Variants in FMN1 observed in about 807,000 individuals in gnomAD.
The protein encoded by FMN1 is formin 1, also known as formin-1.
A neutral mutation model predicts 132.4 loss-of-function variants in FMN1; 110 were observed. That is an observed-to-expected ratio of 0.83 (90% CI 0.71 to 0.97). The LOEUF is 0.97. Ranked by LOEUF, FMN1 falls within the 50% of genes least tolerant of loss-of-function variation. The pLI, the probability that FMN1 is intolerant of heterozygous loss-of-function variation, is 0.00. For missense variants in FMN1, 1,792 were observed against 1,705.3 expected (o/e 1.05, Z -0.90); for synonymous variants, 722 against 651.7 (o/e 1.11, Z -1.64).
chr15:33,087,806 C>CATATACAT (rs58105456), intron 5 of FMN1, among the ~76,000 whole-genome samples: 79,120 of 150,946 alleles, frequency 0.52, 21,064 homozygotes, highest in Non-Finnish European at 0.55. Flanking sequence ...TACATATATA[C>CATATACAT]ATATACACAT....
intron 10 of FMN1, among the ~76,000 whole-genome samples, chr15:32,919,338 A>T (rs1452432323): frequency 6.6e-6 from 1 of 152,198 alleles, no homozygotes; most frequent in Non-Finnish European, 1.5e-5. Flanking sequence ...TTCATCAGTT[A>T]TGGAAGTGGG....
At chr15:32,911,620 T>C (rs1241389406) in intron 10 of FMN1, among the ~76,000 whole-genome samples, 2 of 152,168 alleles carry the variant, frequency 1.3e-5, no homozygotes, top group Non-Finnish European at 2.9e-5. Context: ...AAAGCTAAAA[T>C]TAACTGAGCT....
At chr15:33,071,143 A>T (rs912560780) in intron 5 of FMN1, among the ~76,000 whole-genome samples, 3 of 152,198 alleles carry the variant, frequency 2.0e-5, no homozygotes, top group Non-Finnish European at 2.9e-5. Flanking sequence ...CAGAAGACAA[A>T]CATCACCAAA....
At chr15:33,030,707 AGTTAT>A (rs1438089910) in intron 6 of FMN1, among the ~76,000 whole-genome samples, 1 of 152,228 alleles carries the variant, frequency 6.6e-6, no homozygotes, top group Non-Finnish European at 1.5e-5. Flanking sequence ...AACTGCTGTT[AGTTAT>A]AATTGTAAAA....
At chr15:32,923,445 T>A (rs146169022) in intron 10 of FMN1, among the ~76,000 whole-genome samples, 1 of 152,232 alleles carries the variant, frequency 6.6e-6, no homozygotes, top group African/African-American at 2.4e-5. Flanking sequence ...CATATTCATC[T>A]GGAATGCATT....
chr15:32,982,728 C>T (rs1024128167), intron 7 of FMN1, among the ~76,000 whole-genome samples: 11 of 152,134 alleles, frequency 7.2e-5, no homozygotes, highest in Admixed American at 3.3e-4. Flanking sequence ...AAAAATTCCT[C>T]CTGCCCAGTG....
At position 32,866,227 on chromosome 15, in the gene FMN1, T is replaced by C. The variant is rs1049207489; in HGVS notation, c.3836-9120A>G. On this transcript the variant is annotated intron_variant, in intron 16 of 20. Transcript: ENST00000616417. ...ATGTACCCTAGAACTTAAAGTATAA[T>C]AAAAAAAAAGAAAAAAGAAAAAAAA... Among the ~76,000 whole-genome samples, 28 of 92,350 alleles carry C rather than the reference T, an allele frequency of 3.0e-4. No individual in the cohort carries two copies. In the East Asian group the frequency reaches 4.4e-3, roughly 15 times the overall value. The allele number at this position is 92,350 out of a possible 152,430, so 60.6% of individuals were successfully genotyped here.
chr15:33,055,835 T>C (rs1270241087), intron 6 of FMN1, among the ~76,000 whole-genome samples: 3 of 152,150 alleles, frequency 2.0e-5, no homozygotes. Flanking sequence ...AAAAAACACT[T>C]GCAACACACT....
chr15:33,068,607 CAGT>C, intron 5 of FMN1, among the ~76,000 whole-genome samples: 1 of 149,458 alleles, frequency 6.7e-6, no homozygotes, highest in South Asian at 2.1e-4. Context: ...ACTCTCAAAG[CAGT>C]TAATTTACTG....
At chr15:33,088,579 C>G (rs1037809251) in intron 5 of FMN1, among the ~76,000 whole-genome samples, 14 of 152,190 alleles carry the variant, frequency 9.2e-5, no homozygotes, top group Admixed American at 5.9e-4. Context: ...GGTTAAATGA[C>G]AAACACAGTC....
chr15:32,915,789 T>A (rs1033870854), intron 10 of FMN1, among the ~76,000 whole-genome samples: 3 of 152,190 alleles, frequency 2.0e-5, no homozygotes, highest in Non-Finnish European at 4.4e-5. Context: ...CTGCTGGTGG[T>A]TTTTACTTTT....
At chr15:33,095,292 G>A (rs1007513940) in intron 4 of FMN1, among the ~76,000 whole-genome samples, 5 of 152,142 alleles carry the variant, frequency 3.3e-5, no homozygotes, top group African/African-American at 1.2e-4. Flanking sequence ...AGGTTGCAGT[G>A]AGCCGAGATT....
At chr15:32,995,307 G>GTTT (rs2033698642) in intron 7 of FMN1, among the ~76,000 whole-genome samples, 2 of 152,092 alleles carry the variant, frequency 1.3e-5, no homozygotes, top group Admixed American at 6.5e-5. Flanking sequence ...AAGAATCTTA[G>GTTT]TTGAGATCTG....
Position 32,977,862 on chromosome 15 carries a change from T to C in FMN1, c.2224-8385A>G, listed in dbSNP as rs186748341. ...AAGTATGCAATTTAGATACAATTAT[T>C]CTTTTTTTTTTTTTTTCTGAGACAG... On this transcript the variant is annotated intron_variant, in intron 7 of 20. Coordinates refer to ENST00000616417, the MANE Select transcript of FMN1 (RefSeq NM_001277313.2). 4.1e-3 allele frequency among the ~76,000 whole-genome samples: 623 copies of C among 151,680 alleles called. 3 individuals are homozygous for C. Among genetic ancestry groups the C allele is most frequent in the African/African-American group, 0.014 (597 of 41,256 alleles).
chr15:32,925,886 C>T (rs2060946924), intron 10 of FMN1, among the ~76,000 whole-genome samples: 1 of 152,132 alleles, frequency 6.6e-6, no homozygotes, highest in East Asian at 1.9e-4. Context: ...CATGGCAAAA[C>T]CCCACCTGTA....
intron 3 of FMN1, among the ~76,000 whole-genome samples, chr15:33,161,879 C>T (rs1964908064): frequency 6.6e-6 from 1 of 151,284 alleles, no homozygotes; most frequent in Non-Finnish European, 1.5e-5. Context: ...GATCGTGCCA[C>T]TGCACTCCAG....
chr15:32,836,285 C>T (rs936356810), intron 17 of FMN1, among the ~76,000 whole-genome samples: 2 of 152,170 alleles, frequency 1.3e-5, no homozygotes, highest in Non-Finnish European at 2.9e-5. Context: ...AAAGGTGATG[C>T]CTTCCCTCTG....
intron 16 of FMN1, among the ~76,000 whole-genome samples, chr15:32,887,716 TAGAC>T (rs1411166064): frequency 1.3e-5 from 2 of 152,200 alleles, no homozygotes; most frequent in African/African-American, 2.4e-5. Flanking sequence ...GAGTTCTAAT[TAGAC>T]AGACTTGATT....
intron 9 of FMN1, among the ~76,000 whole-genome samples, chr15:32,957,295 G>GTTATTTT (rs1278874015): frequency 1.3e-5 from 1 of 74,106 alleles, no homozygotes. Context: ...TATCAGAGCA[G>GTTATTTT]TTCTTTTTTT....
Sources: gnomAD v4.1 joint callset for allele counts (sites outside exome capture counted in the v4.1 genomes callset) on GRCh38, gnomAD v4.1.1 for gene constraint, MANE v1.5 for transcripts, NCBI Gene and HGNC (gene_info 2026-07-23, HGNC 2026-07-21) for gene names.